HEATR5B: variants seen among roughly 807,000 people sequenced by gnomAD.
The protein encoded by HEATR5B is HEAT repeat-containing protein 5B.
A neutral mutation model predicts 224.1 loss-of-function variants in HEATR5B; 156 were observed. The observed-to-expected ratio is 0.70, with a 90% CI of 0.61 to 0.80. The LOEUF is 0.80. Among genes scored for constraint, HEATR5B ranks in the 30% least tolerant of loss-of-function variants. The probability of loss-of-function intolerance (pLI) is 0.00; values close to 1 mark genes in which losing one functional copy is unlikely to be tolerated. For synonymous variants in HEATR5B, 1,027 were observed against 893.0 expected, an observed-to-expected ratio of 1.15 and a Z score of -2.68; for missense variants, 2,323 against 2,535.5, an observed-to-expected ratio of 0.92 and a Z score of 1.80.
rs1671827919 is a variant in HEATR5B at position 37,070,260 on chromosome 2, A to T, written c.897T>A (p.Val299=). The part of the protein sequence containing the change: ...GGEMLKVGGS[V]NREVRVGVTQ... ...TAACTCCAACTCTCACTTCACGATT[A>T]ACGGACCCTCCAACTTTTAACATTT... Residue 299 remains valine, a synonymous_variant, in exon 7 of 36, where the codon GTT becomes GTA. Coordinates refer to ENST00000233099, the MANE Select transcript of HEATR5B (RefSeq NM_019024.3). 6.2e-7 allele frequency: 1 copy of T among 1,613,990 alleles called. No homozygotes were observed. The highest frequency in any genetic ancestry group is 1.3e-5 in the African/African-American group (1 of 74,902).
In HEATR5B at chr2:37,028,934, T is replaced by G. The variant is rs765097274; in HGVS notation, c.3362-14A>C. ...AAGGACTGACATCTGAAAGGTAATT[T>G]TTACAAATGAATTTGTATGGTATTT... On this transcript the variant is annotated splice_polypyrimidine_tract_variant and intron_variant, in intron 22 of 35. Coordinates refer to ENST00000233099, the MANE Select transcript of HEATR5B (RefSeq NM_019024.3). 1.2e-6 allele frequency: 2 copies of G among 1,611,822 alleles called. No individual in the cohort carries two copies. Among genetic ancestry groups the G allele is most frequent in the Non-Finnish European group, 1.7e-6 (2 of 1,178,512 alleles).
intron 16 of HEATR5B, 104 bp downstream of exon 16, chr2:37,056,336 A>G: frequency 1.3e-6 from 1 of 742,912 alleles, no homozygotes; most frequent in Admixed American, 3.1e-5. Flanking sequence ...TTTAAGTATT[A>G]TAATAACTCA....
chr2:37,015,285 T>G (rs1449177182), intron 26 of HEATR5B, among the ~76,000 whole-genome samples: 1 of 152,230 alleles, frequency 6.6e-6, no homozygotes, highest in African/African-American at 2.4e-5. Flanking sequence ...TAAGCAATTG[T>G]GAGTTTCCAT....
chr2:37,012,210 T>C (rs1428059749), intron 27 of HEATR5B, among the ~76,000 whole-genome samples: 1 of 152,174 alleles, frequency 6.6e-6, no homozygotes, highest in Non-Finnish European at 1.5e-5. Flanking sequence ...TGCGTGTGTG[T>C]ATAATTTCTA....
intron 27 of HEATR5B, 151 bp from the exon 28 acceptor site, chr2:37,008,999 C>T (rs1572791801): frequency 1.5e-6 from 1 of 659,322 alleles, no homozygotes; most frequent in Non-Finnish European, 2.6e-6. Context: ...GTGGCTCACA[C>T]CTGTAATCCC....
chr2:36,986,612 T>G (rs1239820237), intron 35 of HEATR5B, among the ~76,000 whole-genome samples: 2 of 152,142 alleles, frequency 1.3e-5, no homozygotes, highest in Non-Finnish European at 2.9e-5. Flanking sequence ...CAATATAGAT[T>G]AAAAGTCTTT....
rs1671748226 is a variant in HEATR5B at position 37,068,941 on chromosome 2, A to G, written c.928-11T>C. 2 of 1,606,918 alleles carry G rather than the reference A, an allele frequency of 1.2e-6. No individual in the cohort carries two copies. Among genetic ancestry groups the G allele is most frequent in the Non-Finnish European group, 1.7e-6 (2 of 1,174,532 alleles). ...AAAAACAACATACGCCTGTAAAAAG[A>G]GGAAGGTACGACTTCAGATACACTT... On this transcript the variant is annotated splice_polypyrimidine_tract_variant and intron_variant, in intron 7 of 35. Transcript: ENST00000233099.
chr2:37,028,860 C>T lies in HEATR5B; in HGVS notation c.3422G>A (p.Gly1141Asp). Residue 1141 changes from glycine (G) to aspartate (D), a missense_variant, in exon 23 of 36, where the codon GGT (glycine) becomes GAT (aspartate). Coordinates refer to ENST00000233099, the MANE Select transcript of HEATR5B (RefSeq NM_019024.3). ...AAGACCAGTTTCTGTTATATTAACA[C>T]CTTGGTGCCGGCAATGGATATCAGT... is the stretch of plus-strand genomic sequence containing the variant. Reference protein sequence around the residue: ...SRTDIHCRHQGVNITETGLEG... With the variant: ...SRTDIHCRHQDVNITETGLEG... 6.2e-7 allele frequency: 1 copy of T among 1,614,002 alleles called. No individual in the cohort carries two copies.
intron 9 of HEATR5B, 93 bp downstream of exon 9, chr2:37,065,662 T>C (rs1671545477): frequency 2.8e-6 from 3 of 1,065,148 alleles, no homozygotes; most frequent in Admixed American, 2.2e-5. Flanking sequence ...GTGCTAATGA[T>C]GATGATAAGC....
chr2:37,037,039 T>C (rs1433852706), intron 21 of HEATR5B, among the ~76,000 whole-genome samples: 2 of 150,846 alleles, frequency 1.3e-5, no homozygotes, highest in African/African-American at 2.4e-5. Flanking sequence ...TATCAATAAG[T>C]ATCTGATGAA....
intron 21 of HEATR5B, among the ~76,000 whole-genome samples, chr2:37,035,465 T>C (rs1669419252): frequency 6.6e-6 from 1 of 152,218 alleles, no homozygotes; most frequent in Non-Finnish European, 1.5e-5. Flanking sequence ...CTGTCTTTCT[T>C]ACTGGAGATT....
At position 37,008,663 on chromosome 2, in the gene HEATR5B, AT is replaced by A. The variant is rs1379137874; in HGVS notation, c.4469del (p.Asp1490ValfsTer5). ...LSRLWLAALK[D>X]YALLTLPAEF... ...CGGCTGGTAAAGTCAAGAGTGCATAATCTTTTAATGCTGCTAACCACAGGCG... is the reference window on the plus strand; with the variant it reads ...CGGCTGGTAAAGTCAAGAGTGCATAACTTTTAATGCTGCTAACCACAGGCG... On this transcript the variant is annotated frameshift_variant, in exon 28 of 36. Transcript: ENST00000233099. LOFTEE classifies it high-confidence loss of function. 6.2e-7 allele frequency: 1 copy of A among 1,614,066 alleles called. No individual in the cohort carries two copies. Among genetic ancestry groups the A allele is most frequent in the Non-Finnish European group, 8.5e-7 (1 of 1,180,030 alleles).
At chr2:36,991,396 G>A (rs1397191189) in intron 33 of HEATR5B, among the ~76,000 whole-genome samples, 1 of 151,604 alleles carries the variant, frequency 6.6e-6, no homozygotes, top group Non-Finnish European at 1.5e-5. Flanking sequence ...TTGGGAGGCT[G>A]AGGCAGGAGA....
At chr2:37,034,517 G>T (rs1434955441) in intron 21 of HEATR5B, among the ~76,000 whole-genome samples, 1 of 142,632 alleles carries the variant, frequency 7.0e-6, no homozygotes, top group Non-Finnish European at 1.5e-5. Flanking sequence ...GGAGGCTGAG[G>T]CAGGAGAATG....
chr2:37,065,445 A>G (rs1289893049), intron 9 of HEATR5B, among the ~76,000 whole-genome samples: 1 of 151,674 alleles, frequency 6.6e-6, no homozygotes, highest in Non-Finnish European at 1.5e-5. Context: ...TCCCAAGTAG[A>G]TTACAGGCAC....
chr2:37,052,072 T>C (rs911946443), intron 17 of HEATR5B, among the ~76,000 whole-genome samples: 6 of 152,184 alleles, frequency 3.9e-5, no homozygotes, highest in African/African-American at 1.4e-4. Context: ...AATGCCTATA[T>C]ATATCCTTTT....
chr2:37,053,103 C>T (rs998876416), intron 17 of HEATR5B, among the ~76,000 whole-genome samples: 1 of 152,078 alleles, frequency 6.6e-6, no homozygotes, highest in African/African-American at 2.4e-5. Flanking sequence ...TTAATGAGAA[C>T]GCAATCTCTA....
Position 37,041,145 on chromosome 2 carries a change from G to A in HEATR5B, c.2844C>T (p.Ser948=). The change falls in exon 19 of 36, where the codon TCC becomes TCT. Residue 948 remains serine (S), a synonymous_variant. Coordinates refer to ENST00000233099, the MANE Select transcript of HEATR5B (RefSeq NM_019024.3). ...ILLALAQDGT[S]PEVQTWSLHS... The stretch of plus-strand genomic sequence containing the variant: ...AATTATATTATACCTGGACTTCAGG[G>A]GATGTCCCATCTTGTGCTAGAGCCA... 6.2e-7 allele frequency: 1 copy of A among 1,613,154 alleles called. No homozygotes were observed. Among genetic ancestry groups the A allele is most frequent in the Non-Finnish European group, 8.5e-7 (1 of 1,179,462 alleles).
At chr2:37,045,663 T>C (rs775840352) in intron 18 of HEATR5B, among the ~76,000 whole-genome samples, 4 of 152,158 alleles carry the variant, frequency 2.6e-5, no homozygotes, top group East Asian at 1.9e-4. Context: ...CTTCTGTTCA[T>C]AGCTCTCTCC....
Sources: allele counts gnomAD v4.1 joint callset (sites outside exome capture counted in the v4.1 genomes callset), GRCh38; gene constraint gnomAD v4.1.1; transcripts MANE v1.5; gene names NCBI Gene and HGNC (gene_info 2026-07-23, HGNC 2026-07-21).